Variants in FMN1 observed in about 807,000 individuals in gnomAD.
FMN1 encodes the protein formin 1.
In FMN1, 110 loss-of-function variants were observed where a neutral mutation model predicts 132.4. That is an observed-to-expected ratio of 0.83 (90% CI 0.71 to 0.97). The LOEUF is 0.97. Ranked by LOEUF, FMN1 falls within the 50% of genes least tolerant of loss-of-function variation. FMN1 has a pLI of 0.00. For synonymous variants in FMN1, 722 were observed against 651.7 expected (o/e 1.11, Z -1.64); for missense variants, 1,792 against 1,705.3 (o/e 1.05, Z -0.90).
chr15:33,052,297 G>A (rs1034971709), intron 6 of FMN1, among the ~76,000 whole-genome samples: 1 of 152,086 alleles, frequency 6.6e-6, no homozygotes, highest in African/African-American at 2.4e-5. Flanking sequence ...TCAGCATGTA[G>A]CCACTAAAAA....
intron 17 of FMN1, among the ~76,000 whole-genome samples, chr15:32,816,625 A>C (rs556835221): frequency 2.7e-4 from 41 of 152,334 alleles, no homozygotes; most frequent in Non-Finnish European, 4.3e-4. Context: ...AAAAAGAAAG[A>C]AGCTGTCCCC....
chr15:33,043,085 T>C (rs546820684), intron 6 of FMN1, among the ~76,000 whole-genome samples: 1 of 152,360 alleles, frequency 6.6e-6, no homozygotes, highest in East Asian at 1.9e-4. Context: ...TGGTAGGCAT[T>C]GGTAGAAACT....
chr15:33,036,640 T>C (rs980022890), intron 6 of FMN1, among the ~76,000 whole-genome samples: 7 of 152,224 alleles, frequency 4.6e-5, no homozygotes, highest in African/African-American at 1.7e-4. Flanking sequence ...AAGTAGAGTT[T>C]AAAATTTCTC....
Position 33,088,929 on chromosome 15 carries a change from G to A in FMN1, c.1913C>T (p.Thr638Ile), listed in dbSNP as rs988165939. 2.6e-6 allele frequency: 4 copies of A among 1,535,772 alleles called. No individual in the cohort carries two copies. The highest frequency in any genetic ancestry group is 2.0e-5 in the Admixed American group (1 of 50,958). Residue 638 changes from threonine (T) to isoleucine (I), a missense_variant, in exon 5 of 21, where the codon ACA becomes ATA. By Grantham distance (89) the Thr-to-Ile change is moderately conservative. This residue lies in a region of FMN1 where 1,150 missense variants were observed against 1,043.1 expected (regional missense o/e 1.10). Transcript: ENST00000616417. ...ATCTCTGTTGGGAAGGTCTTTAGGT[G>A]TCTGCTCATTGAAGCCGTCCCAGGG... The part of the protein sequence containing the change: ...GFPWDGFNEQ[T>I]PKDLPNRDGG...
At chr15:32,900,185 A>T in intron 13 of FMN1, 60 bp from the exon 14 acceptor site, 1 of 1,566,130 alleles carries the variant, frequency 6.4e-7, no homozygotes, top group Non-Finnish European at 8.8e-7. Flanking sequence ...ATGTTCATTC[A>T]GTAACAAATA....
intron 9 of FMN1, among the ~76,000 whole-genome samples, chr15:32,948,393 C>T (rs1044414752): frequency 6.6e-6 from 1 of 151,828 alleles, no homozygotes; most frequent in Non-Finnish European, 1.5e-5. Context: ...TTTACTTCTG[C>T]CCTTGTCTGG....
intron 6 of FMN1, among the ~76,000 whole-genome samples, chr15:33,025,670 A>C (rs556169190): frequency 1.3e-5 from 2 of 152,324 alleles, no homozygotes; most frequent in East Asian, 1.9e-4. Flanking sequence ...ATATTATCTG[A>C]AAATTTATCA....
intron 5 of FMN1, chr15:33,067,529 T>C (rs921606842): frequency 1.2e-6 from 2 of 1,613,994 alleles, no homozygotes; most frequent in Non-Finnish European, 1.7e-6. Flanking sequence ...AAGCAGCTCT[T>C]GAGCAAGGAG....
At chr15:32,923,790 CT>C (rs2060889878) in intron 10 of FMN1, among the ~76,000 whole-genome samples, 1 of 152,208 alleles carries the variant, frequency 6.6e-6, no homozygotes, top group Non-Finnish European at 1.5e-5. Flanking sequence ...GCTGGAATGA[CT>C]TCTATCCATG....
At position 33,153,869 on chromosome 15, in the gene FMN1, T is replaced by A; in HGVS notation, c.1046A>T (p.Lys349Met). Residue 349 changes from lysine (K) to methionine (M), a missense_variant, in exon 4 of 21, where the codon AAG becomes ATG. Transcript: ENST00000616417. ...QVQRVVKTHS[K>M]GKETIAIRPA... is the part of the protein sequence containing the mutation. ...GCGAATGGCAATCGTCTCCTTACCCTTAGAATGCGTTTTAACTACTCTTTG... is the reference window on the plus strand; with the variant it reads ...GCGAATGGCAATCGTCTCCTTACCCATAGAATGCGTTTTAACTACTCTTTG... The A allele has an allele frequency of 1.3e-6, 2 of 1,536,770 alleles. No individual in the cohort carries two copies. Among genetic ancestry groups the A allele is most frequent in the African/African-American group, 1.4e-5 (1 of 73,156 alleles).
intron 11 of FMN1, 89 bp downstream of exon 11, chr15:32,910,385 C>T (rs1256491836): frequency 1.8e-6 from 2 of 1,095,976 alleles, no homozygotes; most frequent in Non-Finnish European, 2.7e-6. Flanking sequence ...CGTCAAAACC[C>T]TTACTACCAA....
Position 32,798,964 on chromosome 15 carries a change from T to G in FMN1, c.3981-11A>C. ...ACTGTTGTTTCAAAACTGCAACAGG[T>G]AGGGGGGAAAATGGAATGAGGTAGA... On this transcript the variant is annotated splice_polypyrimidine_tract_variant and intron_variant, in intron 18 of 20. Transcript: ENST00000616417. 6.2e-7 allele frequency: 1 copy of G among 1,611,692 alleles called. No homozygotes were observed. The highest frequency in any genetic ancestry group is 1.1e-5 in the South Asian group (1 of 90,424).
chr15:33,059,618 A>C (rs913168387), intron 6 of FMN1, among the ~76,000 whole-genome samples: 6 of 152,364 alleles, frequency 3.9e-5, no homozygotes, highest in African/African-American at 1.2e-4. Context: ...ATTTTAGACT[A>C]TCTTTATCTC....
chr15:33,097,932 A>G (rs1192891317), intron 4 of FMN1, among the ~76,000 whole-genome samples: 1 of 152,232 alleles, frequency 6.6e-6, no homozygotes, highest in Non-Finnish European at 1.5e-5. Context: ...CACTCCATTC[A>G]CAGTAACTGT....
chr15:32,976,821 A>C (rs898957390), intron 7 of FMN1, among the ~76,000 whole-genome samples: 13 of 152,172 alleles, frequency 8.5e-5, no homozygotes, highest in African/African-American at 2.7e-4. Context: ...AATGGTGCTG[A>C]CCTCAAGTAA....
At chr15:32,997,222 C>T (rs963521474) in intron 7 of FMN1, among the ~76,000 whole-genome samples, 1 of 152,010 alleles carries the variant, frequency 6.6e-6, no homozygotes, top group Non-Finnish European at 1.5e-5. Context: ...TTCTTCCGTA[C>T]CTCAGTAGAG....
rs75937443 is a variant in FMN1 at position 32,879,952 on chromosome 15, C to T, written c.3835+8220G>A. On this transcript the variant is annotated intron_variant, in intron 16 of 20. Transcript: ENST00000616417. ...AAGAACAGCAGTCCCCCATCTCCACCCCACCATTTCCTCAATTCTTCCTCC... is the reference window on the plus strand; with the variant it reads ...AAGAACAGCAGTCCCCCATCTCCACTCCACCATTTCCTCAATTCTTCCTCC... Among the ~76,000 whole-genome samples the T allele has an allele frequency of 9.5e-3, 1,441 of 152,208 alleles. 21 individuals carry two copies. Among genetic ancestry groups the T allele is most frequent in the African/African-American group, 0.033 (1,373 of 41,514 alleles).
At chr15:33,124,388 A>G (rs1395645804) in intron 4 of FMN1, among the ~76,000 whole-genome samples, 2 of 152,080 alleles carry the variant, frequency 1.3e-5, no homozygotes, top group Non-Finnish European at 2.9e-5. Context: ...CCCTCTGTAC[A>G]TTTCACCCCC....
chr15:32,969,451 A>T lies in FMN1; in HGVS notation c.2250T>A (p.His750Gln). 6.2e-7 allele frequency: 1 copy of T among 1,613,954 alleles called. No homozygotes were observed. Among genetic ancestry groups the T allele is most frequent in the Non-Finnish European group, 8.5e-7 (1 of 1,179,848 alleles). ...LQAQFELRAFHIRGEHAMITA... is the reference protein window; with the variant it reads ...LQAQFELRAFQIRGEHAMITA... ...TTATCATTGCATGCTCGCCCCGGAT[A>T]TGAAATGCCCGAAGTTCAAACTGTG... Residue 750 changes from histidine (H) to glutamine (Q), a missense_variant, in exon 8 of 21, where the codon CAT (histidine) becomes CAA (glutamine). By Grantham distance (24) the His-to-Gln change is conservative. Transcript: ENST00000616417.
Sources: gnomAD v4.1 joint callset for allele counts (sites outside exome capture counted in the v4.1 genomes callset) on GRCh38, gnomAD v4.1.1 for gene constraint, gnomAD v4.1.1 regional missense constraint, MANE v1.5 for transcripts, NCBI Gene and HGNC (gene_info 2026-07-23, HGNC 2026-07-21) for gene names.